RCAN2: variants seen among roughly 807,000 people sequenced by gnomAD.
RCAN2 encodes the protein regulator of calcineurin 2, also known as calcipressin-2.
Under a neutral mutation model 23.6 loss-of-function variants are expected in RCAN2, and 9 were observed. The ratio of observed to expected loss-of-function variants is 0.38; its 90% confidence interval spans 0.23 to 0.67. The LOEUF is 0.67. Ranked by LOEUF, RCAN2 falls within the 30% of genes least tolerant of loss-of-function variation. The pLI, the probability that RCAN2 is intolerant of heterozygous loss-of-function variation, is 0.51. For missense variants in RCAN2, 273 were observed against 302.3 expected (o/e 0.90, Z 0.72); for synonymous variants, 109 against 115.7 (o/e 0.94, Z 0.37).
intron 2 of RCAN2, among the ~76,000 whole-genome samples, chr6:46,276,004 G>A (rs1258831135): frequency 2.0e-5 from 3 of 152,080 alleles, no homozygotes; most frequent in African/African-American, 7.2e-5. Context: ...TCAGGAGTTC[G>A]AGACCAGCTT....
chr6:46,412,809 G>A (rs1008260132), intron 2 of RCAN2, among the ~76,000 whole-genome samples: 1 of 152,176 alleles, frequency 6.6e-6, no homozygotes, highest in Non-Finnish European at 1.5e-5. Flanking sequence ...GGGACTCTGA[G>A]ACCAGTAGAG....
chr6:46,342,301 C>A (rs753565212), intron 2 of RCAN2, among the ~76,000 whole-genome samples: 6 of 152,076 alleles, frequency 3.9e-5, no homozygotes, highest in Admixed American at 6.5e-5. Flanking sequence ...CTGGAGTTTT[C>A]TTTGTGCTGT....
intron 2 of RCAN2, among the ~76,000 whole-genome samples, chr6:46,445,125 T>G (rs527309837): frequency 6.6e-6 from 1 of 152,152 alleles, no homozygotes; most frequent in Non-Finnish European, 1.5e-5. Context: ...GAAAGCCTCT[T>G]CAGACTCAGA....
chr6:46,368,781 G>T (rs1299895942), intron 2 of RCAN2, among the ~76,000 whole-genome samples: 1 of 152,174 alleles, frequency 6.6e-6, no homozygotes, highest in Non-Finnish European at 1.5e-5. Context: ...ACGAGTCAGG[G>T]AGTGAGTGGC....
At chr6:46,438,397 A>ACACCT (rs1050225740) in intron 2 of RCAN2, 10 of 152,566 alleles carry the variant, frequency 6.6e-5, no homozygotes, top group African/African-American at 2.4e-4. Context: ...GCCACTGCAG[A>ACACCT]CACCTCACCA....
At chr6:46,409,590 T>C (rs1240719464) in intron 2 of RCAN2, among the ~76,000 whole-genome samples, 1 of 152,190 alleles carries the variant, frequency 6.6e-6, no homozygotes, top group Admixed American at 6.5e-5. Context: ...TATCTTCATC[T>C]ATAACAGGCT....
chr6:46,251,695 G>T (rs954169158), intron 2 of RCAN2, among the ~76,000 whole-genome samples: 106 of 152,246 alleles, frequency 7.0e-4, no homozygotes, highest in African/African-American at 2.5e-3. Flanking sequence ...TAGGAGCAAA[G>T]AATCAAGGAC....
intron 2 of RCAN2, among the ~76,000 whole-genome samples, chr6:46,287,002 T>C (rs1762395663): frequency 6.7e-6 from 1 of 149,260 alleles, no homozygotes; most frequent in Non-Finnish European, 1.5e-5. Flanking sequence ...TGAAACTCTA[T>C]CTCAAAAAAA....
chr6:46,376,260 T>A (rs1425503355), intron 2 of RCAN2, among the ~76,000 whole-genome samples: 2 of 152,188 alleles, frequency 1.3e-5, no homozygotes, highest in Non-Finnish European at 2.9e-5. Flanking sequence ...CACACAATCC[T>A]CAGTAAGTAT....
intron 2 of RCAN2, among the ~76,000 whole-genome samples, chr6:46,425,666 G>A (rs1767010211): frequency 1.3e-5 from 2 of 151,950 alleles, no homozygotes; most frequent in Non-Finnish European, 2.9e-5. Flanking sequence ...TACATAAAAT[G>A]TGAACACCTA....
At chr6:46,236,971 C>T (rs1766122607) in intron 4 of RCAN2, among the ~76,000 whole-genome samples, 1 of 152,168 alleles carries the variant, frequency 6.6e-6, no homozygotes, top group South Asian at 2.1e-4. Flanking sequence ...AGTTATACAA[C>T]AGTAAGTTGA....
intron 2 of RCAN2, among the ~76,000 whole-genome samples, chr6:46,314,877 A>G (rs552266875): frequency 2.6e-5 from 4 of 152,186 alleles, no homozygotes; most frequent in Non-Finnish European, 4.4e-5. Context: ...CCTGGGCAAC[A>G]TGGAAAAACC....
intron 2 of RCAN2, among the ~76,000 whole-genome samples, chr6:46,337,513 G>A (rs916782698): frequency 2.0e-5 from 3 of 152,204 alleles, no homozygotes; most frequent in Non-Finnish European, 2.9e-5. Flanking sequence ...AGTGCAAAAA[G>A]ACTTCTAGAA....
intron 1 of RCAN2, among the ~76,000 whole-genome samples, chr6:46,457,300 T>C (rs1473722162): frequency 1.3e-5 from 2 of 152,250 alleles, no homozygotes; most frequent in African/African-American, 4.8e-5. Flanking sequence ...TTCCAGGCAC[T>C]ATTCTAAATG....
chr6:46,449,538 T>C (rs932210274), intron 2 of RCAN2, among the ~76,000 whole-genome samples: 1 of 148,782 alleles, frequency 6.7e-6, no homozygotes, highest in Non-Finnish European at 1.5e-5. Flanking sequence ...GGACTCTGAA[T>C]AGCCAAAACA....
At chr6:46,474,718 A>G (rs1687113399) in intron 1 of RCAN2, among the ~76,000 whole-genome samples, 1 of 152,246 alleles carries the variant, frequency 6.6e-6, no homozygotes, top group Non-Finnish European at 1.5e-5. Flanking sequence ...GGGATGCTGA[A>G]GACTAAGAAA....
intron 2 of RCAN2, among the ~76,000 whole-genome samples, chr6:46,398,459 T>C (rs996266141): frequency 7.2e-5 from 11 of 152,278 alleles, no homozygotes; most frequent in African/African-American, 2.6e-4. Flanking sequence ...TGATGTAGTG[T>C]TTTCATTAAG....
chr6:46,423,556 A>G (rs1045543649), intron 2 of RCAN2, among the ~76,000 whole-genome samples: 7 of 152,190 alleles, frequency 4.6e-5, no homozygotes, highest in Non-Finnish European at 7.3e-5. Flanking sequence ...TCCTCTCTGA[A>G]GTCAATACTC....
intron 2 of RCAN2, among the ~76,000 whole-genome samples, chr6:46,390,500 G>A (rs1765901595): frequency 6.6e-6 from 1 of 152,132 alleles, no homozygotes; most frequent in South Asian, 2.1e-4. Flanking sequence ...GGTTCTCTAT[G>A]GAATGTGACA....
Sources: allele counts gnomAD v4.1 joint callset (sites outside exome capture counted in the v4.1 genomes callset), GRCh38; gene constraint gnomAD v4.1.1; transcripts MANE v1.5; gene names NCBI Gene and HGNC (gene_info 2026-07-23, HGNC 2026-07-21).